The following IFT57 variants were observed in gnomAD, a reference collection of about 807,000 sequenced individuals.
IFT57 encodes the protein intraflagellar transport 57.
In IFT57, 59 loss-of-function variants were observed where a neutral mutation model predicts 56.8. The observed-to-expected ratio is 1.04, with a 90% CI of 0.84 to 1.29. The LOEUF (loss-of-function observed/expected upper bound fraction) is 1.29, where lower values mean the gene tolerates loss of function less well. IFT57 is among the 50% of genes most tolerant of loss of function. The pLI, the probability that IFT57 is intolerant of heterozygous loss-of-function variation, is 0.00. For synonymous variants in IFT57, 209 were observed against 186.1 expected, an observed-to-expected ratio of 1.12 and a Z score of -1.00; for missense variants, 470 against 522.1, an observed-to-expected ratio of 0.90 and a Z score of 0.97.
chr3:108,184,072 C>G (rs1483888244), intron 6 of IFT57, among the ~76,000 whole-genome samples: 3 of 152,084 alleles, frequency 2.0e-5, no homozygotes, highest in African/African-American at 4.8e-5. Context: ...TAAAGTACTA[C>G]TCTAGTTTAG....
chr3:108,177,838 G>C (rs1322239191), intron 6 of IFT57, among the ~76,000 whole-genome samples: 1 of 151,680 alleles, frequency 6.6e-6, no homozygotes, highest in Non-Finnish European at 1.5e-5. Context: ...TTCTTAACCA[G>C]TATAGCAGGC....
At chr3:108,200,445 G>A (rs115425834) in intron 5 of IFT57, among the ~76,000 whole-genome samples, 1 of 152,240 alleles carries the variant, frequency 6.6e-6, no homozygotes, top group African/African-American at 2.4e-5. Context: ...CCAGGGGTAG[G>A]TGGTAAGTGG....
At chr3:108,190,645 G>C (rs1433503926) in intron 6 of IFT57, among the ~76,000 whole-genome samples, 1 of 152,176 alleles carries the variant, frequency 6.6e-6, no homozygotes, top group Non-Finnish European at 1.5e-5. Flanking sequence ...GTCTTGGGCA[G>C]TTCTTTATAG....
intron 5 of IFT57, among the ~76,000 whole-genome samples, chr3:108,201,175 A>G (rs1241819841): frequency 6.6e-6 from 1 of 152,150 alleles, no homozygotes; most frequent in African/African-American, 2.4e-5. Context: ...TCGGGCTGCT[A>G]TTTCTGCCAT....
chr3:108,190,422 G>A (rs538300027), intron 6 of IFT57, among the ~76,000 whole-genome samples: 4 of 152,268 alleles, frequency 2.6e-5, no homozygotes, highest in African/African-American at 9.6e-5. Flanking sequence ...TTTCCCCATG[G>A]GGTTCTTGTG....
At chr3:108,220,652 T>C (rs2080401003) in intron 1 of IFT57, among the ~76,000 whole-genome samples, 1 of 152,182 alleles carries the variant, frequency 6.6e-6, no homozygotes, top group South Asian at 2.1e-4. Context: ...ACTGTAAACC[T>C]AGGACAGTGG....
chr3:108,201,244 T>G (rs942819563), intron 5 of IFT57, among the ~76,000 whole-genome samples: 1 of 152,186 alleles, frequency 6.6e-6, no homozygotes, highest in Non-Finnish European at 1.5e-5. Context: ...AGTCCTTGCT[T>G]CCTACTTTTT....
chr3:108,219,685 G>T, intron 1 of IFT57, 113 bp from the exon 2 acceptor site: 2 of 1,058,426 alleles, frequency 1.9e-6, no homozygotes, highest in Non-Finnish European at 2.8e-6. Context: ...CCCCCAAATG[G>T]CCATCAAAAG....
chr3:108,172,133 C>T (rs1449615555), intron 6 of IFT57, among the ~76,000 whole-genome samples: 1 of 151,820 alleles, frequency 6.6e-6, no homozygotes, highest in Non-Finnish European at 1.5e-5. Context: ...CGATAGTGTA[C>T]ACTGATGTAA....
intron 6 of IFT57, among the ~76,000 whole-genome samples, chr3:108,191,083 G>T (rs549669171): frequency 6.6e-6 from 1 of 152,100 alleles, no homozygotes; most frequent in African/African-American, 2.4e-5. Context: ...GAGCCATGGC[G>T]CCTGGCCAGC....
At chr3:108,183,075 G>A (rs1465876509) in intron 6 of IFT57, among the ~76,000 whole-genome samples, 2 of 151,968 alleles carry the variant, frequency 1.3e-5, no homozygotes, top group African/African-American at 4.8e-5. Flanking sequence ...AAGGGCCTAA[G>A]TAGGGTTTAG....
At chr3:108,191,182 C>G (rs1576040063) in intron 6 of IFT57, among the ~76,000 whole-genome samples, 1 of 152,266 alleles carries the variant, frequency 6.6e-6, no homozygotes, top group Middle Eastern at 3.4e-3. Flanking sequence ...AGCTCTAAAC[C>G]ATCTTATAAC....
chr3:108,167,986 C>T, intron 6 of IFT57, 122 bp from the exon 7 acceptor site: 1 of 522,542 alleles, frequency 1.9e-6, no homozygotes, highest in Non-Finnish European at 3.3e-6. Context: ...TGGGATAGCC[C>T]TATTTATAGC....
intron 5 of IFT57, among the ~76,000 whole-genome samples, chr3:108,203,887 G>A (rs9864340): frequency 3.9e-5 from 6 of 152,014 alleles, no homozygotes; most frequent in Non-Finnish European, 7.4e-5. Context: ...GAGAAAATGC[G>A]GCAATCCACA....
chr3:108,192,004 T>C (rs921991371), intron 5 of IFT57, among the ~76,000 whole-genome samples: 3 of 151,932 alleles, frequency 2.0e-5, no homozygotes, highest in Non-Finnish European at 2.9e-5. Flanking sequence ...AACTCACTCA[T>C]GTTTGGTAAG....
At chr3:108,207,211 G>A (rs760311294) in intron 4 of IFT57, among the ~76,000 whole-genome samples, 1 of 152,170 alleles carries the variant, frequency 6.6e-6, no homozygotes, top group Non-Finnish European at 1.5e-5. Flanking sequence ...ATGGTTACCA[G>A]TACTGGTTGG....
chr3:108,211,594 T>G (rs575817044), intron 4 of IFT57, among the ~76,000 whole-genome samples: 33 of 152,368 alleles, frequency 2.2e-4, no homozygotes, highest in African/African-American at 7.9e-4. Flanking sequence ...ACATAACAAG[T>G]GCTCAATAAG....
intron 6 of IFT57, among the ~76,000 whole-genome samples, chr3:108,183,448 A>AC (rs1177344213): frequency 6.6e-6 from 1 of 152,082 alleles, no homozygotes; most frequent in African/African-American, 2.4e-5. Flanking sequence ...TTTGTGTGCC[A>AC]CCCACTTTCA....
intron 5 of IFT57, among the ~76,000 whole-genome samples, chr3:108,194,606 T>C (rs895770153): frequency 2.0e-5 from 3 of 152,106 alleles, no homozygotes; most frequent in African/African-American, 7.2e-5. Flanking sequence ...AAAGCTACCA[T>C]AACTAAAACA....
Sources: allele counts gnomAD v4.1 joint callset (sites outside exome capture counted in the v4.1 genomes callset), GRCh38; gene constraint gnomAD v4.1.1; transcripts MANE v1.5; gene names NCBI Gene and HGNC (gene_info 2026-07-23, HGNC 2026-07-21).